The following KIAA1755 variants were observed in gnomAD, a reference collection of about 807,000 sequenced individuals.
KIAA1755 encodes KIAA1755.
Under a neutral mutation model 91.7 loss-of-function variants are expected in KIAA1755, and 68 were observed. The ratio of observed to expected loss-of-function variants is 0.74; its 90% confidence interval spans 0.61 to 0.91. The LOEUF (loss-of-function observed/expected upper bound fraction) is 0.91. KIAA1755 is among the 40% of genes least tolerant of loss of function. The probability of loss-of-function intolerance (pLI) is 0.00; values close to 1 mark genes in which losing one functional copy is unlikely to be tolerated. For synonymous variants in KIAA1755, 610 were observed against 604.6 expected, an observed-to-expected ratio of 1.01 and a Z score of -0.13; for missense variants, 1,535 against 1,494.4, an observed-to-expected ratio of 1.03 and a Z score of -0.45.
At chr20:38,228,780 T>C (rs1163655153) in intron 5 of KIAA1755, among the ~76,000 whole-genome samples, 1 of 152,122 alleles carries the variant, frequency 6.6e-6, no homozygotes, top group African/African-American at 2.4e-5. Context: ...TTTAAAAAGT[T>C]CTTAACAAAG....
At chr20:38,217,167 G>A (rs1023816423) in intron 13 of KIAA1755, 86 bp downstream of exon 13, 6 of 1,202,864 alleles carry the variant, frequency 5.0e-6, no homozygotes, top group Non-Finnish European at 7.0e-6. Context: ...GTCAGGCCAT[G>A]GGGCTGTGTC....
chr20:38,239,487 C>T (rs887334770), intron 4 of KIAA1755, 41 bp downstream of exon 4: 4 of 1,599,894 alleles, frequency 2.5e-6, no homozygotes, highest in Non-Finnish European at 3.4e-6. Flanking sequence ...CTGGGGCCCC[C>T]AGCTCCCTCC....
At position 38,215,614 on chromosome 20, in the gene KIAA1755, G is replaced by A. The variant is rs902141373; in HGVS notation, c.2901+1639C>T. Among the ~76,000 whole-genome samples, 10 of 152,168 alleles carry A rather than the reference G, an allele frequency of 6.6e-5. No homozygotes were observed. The South Asian group carries it at 1.2e-3, about 19-fold the overall frequency. ...AAGAGGGGATGTGTGAGCTGAGAGC[G>A]GAAGAAAGACAAGAAGCCAGCCGGT... On this transcript the variant is annotated intron_variant, in intron 13 of 13. Coordinates refer to ENST00000279024, the MANE Select transcript of KIAA1755 (RefSeq NM_001029864.2).
At chr20:38,224,047 C>T (rs905439417) in intron 8 of KIAA1755, among the ~76,000 whole-genome samples, 1 of 152,296 alleles carries the variant, frequency 6.6e-6, no homozygotes, top group Middle Eastern at 3.4e-3. Flanking sequence ...AGTCCCACTT[C>T]GGCCCAGCTC....
chr20:38,251,837 A>G (rs1200734853), intron 1 of KIAA1755, among the ~76,000 whole-genome samples: 3 of 152,152 alleles, frequency 2.0e-5, no homozygotes, highest in Non-Finnish European at 4.4e-5. Flanking sequence ...AAGTGCTGAG[A>G]TTACAGGCAT....
chr20:38,245,133 C>T (rs1289743876), intron 2 of KIAA1755, among the ~76,000 whole-genome samples: 1 of 152,196 alleles, frequency 6.6e-6, no homozygotes, highest in African/African-American at 2.4e-5. Flanking sequence ...AGTGATTGGT[C>T]CAGGAATGGG....
intron 5 of KIAA1755, 121 bp downstream of exon 5, chr20:38,231,081 C>G (rs750627304): frequency 1.9e-4 from 206 of 1,108,364 alleles, no homozygotes; most frequent in Non-Finnish European, 2.5e-4. Context: ...TGGGGACTGG[C>G]TCTGTGAACA....
intron 4 of KIAA1755, among the ~76,000 whole-genome samples, chr20:38,238,818 T>C (rs964302867): frequency 2.6e-5 from 4 of 152,222 alleles, no homozygotes; most frequent in Admixed American, 2.6e-4. Context: ...ACCTTCTGTA[T>C]TGGATGCTGC....
Position 38,213,035 on chromosome 20 carries a change from C to T in KIAA1755, c.*7G>A, listed in dbSNP as rs1170545627. Reference sequence around the variant, plus strand: ...TGGAGGCTGGTGCGACTGAAGGGGCCTCTCAGCTAGAGGGAGGCAAGGGGA... The same window carrying T: ...TGGAGGCTGGTGCGACTGAAGGGGCTTCTCAGCTAGAGGGAGGCAAGGGGA... On this transcript the variant is annotated 3_prime_UTR_variant, in exon 14 of 14. Coordinates refer to ENST00000279024, the MANE Select transcript of KIAA1755 (RefSeq NM_001029864.2). The T allele has an allele frequency of 1.3e-6, 2 of 1,527,764 alleles. No individual in the cohort carries two copies. The highest frequency in any genetic ancestry group is 2.6e-5 in the South Asian group (2 of 77,550). 94.6% of individuals were successfully genotyped at this position (1,527,764 alleles called of 1,614,324 possible).
Position 38,241,678 on chromosome 20 carries a change from C to T in KIAA1755, c.453G>A (p.Glu151=). 6.2e-7 allele frequency: 1 copy of T among 1,614,208 alleles called. No individual in the cohort carries two copies. Among genetic ancestry groups the T allele is most frequent in the Admixed American group, 1.7e-5 (1 of 60,014 alleles). Residue 151 remains glutamate (E), a synonymous_variant, in exon 3 of 14, where the codon GAG becomes GAA. Transcript: ENST00000279024. ...YPILFTQEWL[E]AINSDFEGNP... is the part of the protein sequence containing the mutation. ...TTCCCTCAAAGTCACTGTTGATGGC[C>T]TCCAGCCATTCTTGGGTGAAAAGTA...
At chr20:38,228,119 A>G (rs1435724898) in intron 6 of KIAA1755, 28 bp downstream of exon 6, 1 of 1,550,330 alleles carries the variant, frequency 6.5e-7, no homozygotes, top group Admixed American at 1.9e-5. Flanking sequence ...AGGACTTACT[A>G]GGCTAAGGCT....
intron 10 of KIAA1755, 104 bp from the exon 11 acceptor site, chr20:38,219,872 G>A: frequency 2.8e-6 from 4 of 1,453,614 alleles, no homozygotes; most frequent in Non-Finnish European, 3.7e-6. Context: ...GCCCCAGCCT[G>A]GGTTTCCAGC....
At chr20:38,230,043 C>T (rs567864368) in intron 5 of KIAA1755, among the ~76,000 whole-genome samples, 1 of 152,316 alleles carries the variant, frequency 6.6e-6, no homozygotes, top group South Asian at 2.1e-4. Flanking sequence ...AACAGCAGAC[C>T]TCTAGGTTGA....
chr20:38,227,800 T>G (rs564677730), intron 6 of KIAA1755, among the ~76,000 whole-genome samples: 1 of 152,364 alleles, frequency 6.6e-6, no homozygotes, highest in South Asian at 2.1e-4. Context: ...TCAGAGCTGC[T>G]GGGAGCCATC....
intron 4 of KIAA1755, among the ~76,000 whole-genome samples, chr20:38,237,342 CA>C (rs1304333678): frequency 2.0e-5 from 3 of 151,890 alleles, no homozygotes; most frequent in African/African-American, 7.3e-5. Flanking sequence ...GGTCAGTGGT[CA>C]GGAATTCAAC....
chr20:38,225,723 G>C lies in KIAA1755; in HGVS notation c.2111C>G (p.Pro704Arg), dbSNP rs918673722. 2.5e-6 allele frequency: 4 copies of C among 1,610,606 alleles called. No individual in the cohort carries two copies. The highest frequency in any genetic ancestry group is 1.3e-5 in the African/African-American group (1 of 74,784). Residue 704 changes from proline to arginine, a missense_variant, in exon 8 of 14, where the codon CCC becomes CGC. By Grantham distance (103) the Pro-to-Arg change is moderately radical. Coordinates refer to ENST00000279024, the MANE Select transcript of KIAA1755 (RefSeq NM_001029864.2). Reference sequence around the variant, plus strand: ...GGGGAAGGGGCCTTCCAGGACTGCGGGCAGCTGGCTGGGGTCCACATGGTG... The same window carrying C: ...GGGGAAGGGGCCTTCCAGGACTGCGCGCAGCTGGCTGGGGTCCACATGGTG... ...LSHHVDPSQL[P>R]AVLEGPFPYC...
In KIAA1755 at chr20:38,231,338, G is replaced by A. The variant is rs756821289; in HGVS notation, c.1748-13C>T. On this transcript the variant is annotated splice_polypyrimidine_tract_variant and intron_variant, in intron 4 of 13. Coordinates refer to ENST00000279024, the MANE Select transcript of KIAA1755 (RefSeq NM_001029864.2). ...CTGTCCCGGCCACCTGGAGGACAGA[G>A]GGCACACGTGAGCAGTGAGAACTTG... 1 of 1,601,472 alleles carries A rather than the reference G, an allele frequency of 6.2e-7. No homozygotes were observed. The highest frequency in any genetic ancestry group is 1.1e-5 in the South Asian group (1 of 89,018).
intron 4 of KIAA1755, 112 bp downstream of exon 4, chr20:38,239,416 A>G: frequency 1.1e-6 from 1 of 921,730 alleles, no homozygotes. Flanking sequence ...GGCTTGGTCT[A>G]GAACCTAGGC....
chr20:38,223,794 G>A (rs1372105410), intron 8 of KIAA1755, among the ~76,000 whole-genome samples, 158 bp from the exon 9 acceptor site: 4 of 152,210 alleles, frequency 2.6e-5, no homozygotes, highest in African/African-American at 9.7e-5. Context: ...CAGGCTCTGG[G>A]CTCTGCTCCT....
Sources: allele counts gnomAD v4.1 joint callset (sites outside exome capture counted in the v4.1 genomes callset), GRCh38; gene constraint gnomAD v4.1.1; transcripts MANE v1.5; gene names NCBI Gene and HGNC (gene_info 2026-07-23, HGNC 2026-07-21).